UNC5D: variants seen among roughly 807,000 people sequenced by gnomAD.
The protein encoded by UNC5D is netrin receptor UNC5D.
UNC5D carries 39 observed loss-of-function variants against 105.4 expected under a neutral mutation model. The observed-to-expected ratio is 0.37, with a 90% CI of 0.29 to 0.48. The LOEUF is 0.48. Among genes scored for constraint, UNC5D ranks in the 20% least tolerant of loss-of-function variants. The pLI is 0.98. For synonymous variants in UNC5D, 452 were observed against 450.4 expected (o/e 1.00, Z -0.04); for missense variants, 991 against 1,202.4 (o/e 0.82, Z 2.60).
At chr8:35,518,161 T>C (rs1474226773) in intron 1 of UNC5D, among the ~76,000 whole-genome samples, 1 of 152,176 alleles carries the variant, frequency 6.6e-6, no homozygotes, top group Non-Finnish European at 1.5e-5. Flanking sequence ...ACAACAATTA[T>C]TTATTATCAA....
chr8:35,790,339 G>T lies in UNC5D; in HGVS notation c.2658-20G>T. On this transcript the variant is annotated intron_variant, in intron 16 of 16. Transcript: ENST00000404895. ...TTTCATGTTTCGTTTTGTTCTTTGTGTTTAACTCTCTCCATCTAGGAATTT... is the reference window on the plus strand; with the variant it reads ...TTTCATGTTTCGTTTTGTTCTTTGTTTTTAACTCTCTCCATCTAGGAATTT... 1.2e-6 allele frequency: 2 copies of T among 1,611,532 alleles called. No homozygotes were observed. Among genetic ancestry groups the T allele is most frequent in the Non-Finnish European group, 1.7e-6 (2 of 1,178,006 alleles).
chr8:35,419,017 A>G (rs886839341), intron 1 of UNC5D, among the ~76,000 whole-genome samples: 1 of 152,236 alleles, frequency 6.6e-6, no homozygotes, highest in Non-Finnish European at 1.5e-5. Context: ...GTGCAATAGC[A>G]GAAACAACTA....
chr8:35,578,375 G>A (rs1201051801), intron 3 of UNC5D, among the ~76,000 whole-genome samples: 1 of 151,576 alleles, frequency 6.6e-6, no homozygotes, highest in Non-Finnish European at 1.5e-5. Context: ...AACTTTTTAA[G>A]TAATGGCTCA....
chr8:35,288,379 A>G (rs957265210), intron 1 of UNC5D, among the ~76,000 whole-genome samples: 1 of 142,554 alleles, frequency 7.0e-6, no homozygotes, highest in African/African-American at 2.9e-5. Flanking sequence ...AATGAGGGAC[A>G]AAAAAAAAAC....
intron 1 of UNC5D, among the ~76,000 whole-genome samples, chr8:35,519,822 T>G: frequency 6.6e-6 from 1 of 152,106 alleles, no homozygotes; most frequent in African/African-American, 2.4e-5. Context: ...AAAAAAAAAG[T>G]TCAACATCCT....
chr8:35,457,455 T>G (rs1047790251), intron 1 of UNC5D, among the ~76,000 whole-genome samples: 4 of 152,208 alleles, frequency 2.6e-5, no homozygotes, highest in Non-Finnish European at 5.9e-5. Context: ...TTATCATTCT[T>G]AAGGTAGCAA....
chr8:35,792,087 T>C lies in UNC5D; in HGVS notation c.*1524T>C, dbSNP rs1263716685. On this transcript the variant is annotated 3_prime_UTR_variant, in exon 17 of 17. Coordinates refer to ENST00000404895, the MANE Select transcript of UNC5D (RefSeq NM_080872.4). ...AGGCAGCTAGTCAGCTACTTAGAGGTTGGTTACATTCGAATAAAAAGTAGT... is the reference window on the plus strand; with the variant it reads ...AGGCAGCTAGTCAGCTACTTAGAGGCTGGTTACATTCGAATAAAAAGTAGT... 6.6e-6 allele frequency: 1 copy of C among 151,984 alleles called. No homozygotes were observed. The highest frequency in any genetic ancestry group is 1.5e-5 in the Non-Finnish European group (1 of 67,988). 9.4% of individuals were successfully genotyped at this position (151,984 alleles called of 1,614,324 possible).
At chr8:35,657,076 GTGTGTATATATA>G (rs1457113542) in intron 4 of UNC5D, among the ~76,000 whole-genome samples, 205 of 94,330 alleles carry the variant, frequency 2.2e-3, no homozygotes, top group Middle Eastern at 5.4e-3. Context: ...GTGTGTGTGT[GTGTGTATATATA>G]TATATATATA....
At chr8:35,582,611 C>T (rs956985562) in intron 3 of UNC5D, among the ~76,000 whole-genome samples, 43 of 152,178 alleles carry the variant, frequency 2.8e-4, no homozygotes, top group African/African-American at 9.9e-4. Flanking sequence ...TCCCGATTGA[C>T]CTTCCTGGCC....
At chr8:35,498,656 A>T (rs553557772) in intron 1 of UNC5D, among the ~76,000 whole-genome samples, 2 of 152,238 alleles carry the variant, frequency 1.3e-5, no homozygotes, top group Admixed American at 1.3e-4. Flanking sequence ...CATTAGCCAT[A>T]TTGATACATT....
intron 4 of UNC5D, among the ~76,000 whole-genome samples, chr8:35,647,805 T>C (rs113167455): frequency 1.3e-5 from 2 of 152,306 alleles, no homozygotes; most frequent in African/African-American, 4.8e-5. Context: ...TATCTTTTAA[T>C]CTAGATGCAA....
chr8:35,237,270 T>C (rs1282825856), intron 1 of UNC5D, among the ~76,000 whole-genome samples: 1 of 147,716 alleles, frequency 6.8e-6, no homozygotes, highest in African/African-American at 2.5e-5. Context: ...TTGTACACCC[T>C]GGGTTATGAT....
At chr8:35,745,979 A>ATT (rs541202502) in intron 11 of UNC5D, among the ~76,000 whole-genome samples, 6,784 of 145,262 alleles carry the variant, frequency 0.047, 381 homozygotes, top group African/African-American at 0.13. Context: ...AAGAAGGCTC[A>ATT]TTTTTTTTTT....
intron 1 of UNC5D, among the ~76,000 whole-genome samples, chr8:35,267,189 G>C (rs1191636834): frequency 2.0e-5 from 3 of 150,890 alleles, no homozygotes; most frequent in Non-Finnish European, 4.4e-5. Context: ...TGATTGAGTA[G>C]TCATTTTGAT....
At chr8:35,665,755 G>A (rs1824382516) in intron 4 of UNC5D, among the ~76,000 whole-genome samples, 2 of 150,102 alleles carry the variant, frequency 1.3e-5, no homozygotes, top group African/African-American at 4.9e-5. Flanking sequence ...TCTCAATAAT[G>A]TCGATGTAAA....
chr8:35,753,601 A>C (rs1830386516), intron 13 of UNC5D, among the ~76,000 whole-genome samples: 1 of 152,198 alleles, frequency 6.6e-6, no homozygotes, highest in Non-Finnish European at 1.5e-5. Flanking sequence ...GCTTTAGAAT[A>C]ATGTTTTTTG....
intron 1 of UNC5D, among the ~76,000 whole-genome samples, chr8:35,381,039 GAGAA>G (rs1803013600): frequency 1.3e-5 from 2 of 151,988 alleles, no homozygotes; most frequent in Admixed American, 6.6e-5. Context: ...GAGGGAGAGA[GAGAA>G]AGAGAGAGAG....
chr8:35,363,908 C>A (rs1316517916), intron 1 of UNC5D, among the ~76,000 whole-genome samples: 1 of 152,066 alleles, frequency 6.6e-6, no homozygotes, highest in Non-Finnish European at 1.5e-5. Flanking sequence ...CTAGGCTAGG[C>A]ATGGTGACTT....
chr8:35,366,035 A>C (rs1802102698), intron 1 of UNC5D, among the ~76,000 whole-genome samples: 1 of 152,156 alleles, frequency 6.6e-6, no homozygotes, highest in African/African-American at 2.4e-5. Context: ...ACATTTGACA[A>C]CCTATTCACT....
Sources: allele counts gnomAD v4.1 joint callset (sites outside exome capture counted in the v4.1 genomes callset), GRCh38; gene constraint gnomAD v4.1.1; transcripts MANE v1.5; gene names NCBI Gene and HGNC (gene_info 2026-07-23, HGNC 2026-07-21).